MOXD1: variants seen among roughly 807,000 people sequenced by gnomAD.
MOXD1 encodes DBH-like monooxygenase protein 1.
MOXD1 carries 62 observed loss-of-function variants against 66.6 expected under a neutral mutation model. The observed-to-expected ratio is 0.93, with a 90% CI of 0.76 to 1.15. MOXD1 has a LOEUF of 1.15. Ranked by LOEUF, MOXD1 falls within the 50% of genes most tolerant of loss-of-function variation. MOXD1 has a pLI of 0.00. For synonymous variants in MOXD1, 303 were observed against 281.9 expected (o/e 1.07, Z -0.75); for missense variants, 847 against 754.6 (o/e 1.12, Z -1.44).
chr6:132,322,416 AC>A (rs1291843084), intron 8 of MOXD1, among the ~76,000 whole-genome samples: 1 of 152,212 alleles, frequency 6.6e-6, no homozygotes, highest in Non-Finnish European at 1.5e-5. Flanking sequence ...AGTCCTCAGA[AC>A]CTGAGATTTT....
chr6:132,343,539 C>T (rs1371552793), intron 4 of MOXD1, among the ~76,000 whole-genome samples: 1 of 151,880 alleles, frequency 6.6e-6, no homozygotes, highest in Non-Finnish European at 1.5e-5. Context: ...TGCACCACTG[C>T]ACTCCAGCCT....
At chr6:132,297,354 T>G in intron 11 of MOXD1, 37 bp from the exon 12 acceptor site, 1 of 1,603,526 alleles carries the variant, frequency 6.2e-7, no homozygotes, top group Non-Finnish European at 8.5e-7. Flanking sequence ...AATGAACATC[T>G]GATTTAAGGC....
intron 1 of MOXD1, chr6:132,391,911 T>G (rs1776773441): frequency 1.1e-5 from 3 of 273,266 alleles, no homozygotes; most frequent in Non-Finnish European, 2.0e-5. Flanking sequence ...CATCCTGTGT[T>G]CCAGCATTAC....
intron 4 of MOXD1, among the ~76,000 whole-genome samples, chr6:132,330,258 T>C (rs1274316141): frequency 6.6e-6 from 1 of 152,140 alleles, no homozygotes; most frequent in African/African-American, 2.4e-5. Flanking sequence ...TTCATCTGTA[T>C]TTATGGCTGC....
chr6:132,369,769 A>G (rs1172032483), intron 4 of MOXD1, among the ~76,000 whole-genome samples: 1 of 152,088 alleles, frequency 6.6e-6, no homozygotes, highest in Non-Finnish European at 1.5e-5. Context: ...GGAATGAAGC[A>G]GGACAGTGCA....
chr6:132,300,683 T>G (rs954310079), intron 10 of MOXD1, among the ~76,000 whole-genome samples: 2 of 152,194 alleles, frequency 1.3e-5, no homozygotes, highest in Non-Finnish European at 2.9e-5. Flanking sequence ...TTGTCCAACA[T>G]AAAGTGACAG....
At chr6:132,380,350 A>G (rs1776483630) in intron 1 of MOXD1, among the ~76,000 whole-genome samples, 1 of 152,126 alleles carries the variant, frequency 6.6e-6, no homozygotes, top group African/African-American at 2.4e-5. Context: ...TCACCACGGG[A>G]CCTGTACTAA....
At chr6:132,324,233 T>C in intron 6 of MOXD1, 136 bp from the exon 7 acceptor site, 2 of 867,630 alleles carry the variant, frequency 2.3e-6, no homozygotes, top group African/African-American at 3.5e-5. Context: ...TAAACTGTCA[T>C]GAGGGAAAGG....
chr6:132,309,478 T>G (rs1774774534), intron 10 of MOXD1, among the ~76,000 whole-genome samples: 1 of 152,250 alleles, frequency 6.6e-6, no homozygotes, highest in Admixed American at 6.5e-5. Flanking sequence ...GCTATTTCCA[T>G]CAAACTACCA....
At chr6:132,386,017 G>A (rs182314074) in intron 1 of MOXD1, among the ~76,000 whole-genome samples, 21 of 150,336 alleles carry the variant, frequency 1.4e-4, no homozygotes, top group Admixed American at 6.0e-4. Flanking sequence ...GCAGGAGAAT[G>A]GCGTGAACCC....
At chr6:132,384,060 T>C (rs533594763) in intron 1 of MOXD1, among the ~76,000 whole-genome samples, 1 of 152,196 alleles carries the variant, frequency 6.6e-6, no homozygotes, top group South Asian at 2.1e-4. Flanking sequence ...CAGAGCAAGA[T>C]TCTGTCTCAA....
At chr6:132,346,687 G>A (rs776224477) in intron 4 of MOXD1, among the ~76,000 whole-genome samples, 7 of 152,236 alleles carry the variant, frequency 4.6e-5, no homozygotes, top group Admixed American at 1.3e-4. Context: ...CTTTAGAACC[G>A]ATAATAAGTC....
In MOXD1 at chr6:132,307,542, C is replaced by T. The variant is rs1233117979; in HGVS notation, c.1508+8093G>A. Among the ~76,000 whole-genome samples the T allele has an allele frequency of 2.0e-5, 3 of 152,324 alleles. No individual in the cohort carries two copies. The East Asian group carries it at 5.8e-4, about 29-fold the overall frequency. On this transcript the variant is annotated intron_variant, in intron 10 of 11. Coordinates refer to ENST00000367963, the MANE Select transcript of MOXD1 (RefSeq NM_015529.4). ...ACCTAGTAGACGTCTACCGAACTGTCTACCTGAAATCAACAAAACATACAT... is the reference window on the plus strand; with the variant it reads ...ACCTAGTAGACGTCTACCGAACTGTTTACCTGAAATCAACAAAACATACAT...
intron 9 of MOXD1, among the ~76,000 whole-genome samples, chr6:132,320,351 AT>A (rs1356273705): frequency 2.0e-5 from 3 of 152,182 alleles, no homozygotes; most frequent in Admixed American, 2.0e-4. Flanking sequence ...TCTTTTAAAA[AT>A]ATTAGATGAG....
intron 4 of MOXD1, among the ~76,000 whole-genome samples, chr6:132,349,422 CAT>C (rs1298306384): frequency 0.12 from 4,369 of 36,838 alleles, 1,026 homozygotes; most frequent in African/African-American, 0.41. Context: ...TATATATATA[CAT>C]ATATATATAT....
At chr6:132,352,601 C>T (rs200541291) in intron 4 of MOXD1, among the ~76,000 whole-genome samples, 1 of 152,242 alleles carries the variant, frequency 6.6e-6, no homozygotes, top group East Asian at 1.9e-4. Flanking sequence ...AAAGAATGTG[C>T]ATTCTGCAGT....
chr6:132,350,802 A>C (rs1775786030), intron 4 of MOXD1, among the ~76,000 whole-genome samples: 1 of 152,110 alleles, frequency 6.6e-6, no homozygotes, highest in Non-Finnish European at 1.5e-5. Flanking sequence ...GATTTCTTTC[A>C]GCAGTGTTTT....
At chr6:132,335,710 C>T (rs931746044) in intron 4 of MOXD1, among the ~76,000 whole-genome samples, 9 of 152,170 alleles carry the variant, frequency 5.9e-5, no homozygotes, top group Non-Finnish European at 1.2e-4. Context: ...AGCTTGCAGT[C>T]ATTTATTACA....
chr6:132,328,825 A>C (rs1775249906), intron 4 of MOXD1, among the ~76,000 whole-genome samples: 1 of 152,206 alleles, frequency 6.6e-6, no homozygotes, highest in South Asian at 2.1e-4. Flanking sequence ...TTAATCCAAG[A>C]AACAGGACTT....
Sources: allele counts gnomAD v4.1 joint callset (sites outside exome capture counted in the v4.1 genomes callset), GRCh38; gene constraint gnomAD v4.1.1; transcripts MANE v1.5; gene names NCBI Gene and HGNC (gene_info 2026-07-23, HGNC 2026-07-21).